The following SMCHD1 variants were observed in gnomAD, a reference collection of about 807,000 sequenced individuals.
SMCHD1 encodes structural maintenance of chromosomes flexible hinge domain containing 1.
Under a neutral mutation model 254.7 loss-of-function variants are expected in SMCHD1, and 78 were observed. The observed-to-expected ratio is 0.31, with a 90% CI of 0.26 to 0.37. The LOEUF (loss-of-function observed/expected upper bound fraction) is 0.37, where lower values mean the gene tolerates loss of function less well. Ranked by LOEUF, SMCHD1 falls within the 10% of genes least tolerant of loss-of-function variation. The pLI is 1.00. For missense variants in SMCHD1, 1,840 were observed against 2,408.1 expected (o/e 0.76, Z 4.94); for synonymous variants, 766 against 794.9 (o/e 0.96, Z 0.61).
chr18:2,761,942 A>G (rs1463382716), intron 35 of SMCHD1, among the ~76,000 whole-genome samples, 163 bp from the exon 36 acceptor site: 1 of 152,230 alleles, frequency 6.6e-6, no homozygotes, highest in African/African-American at 2.4e-5. Flanking sequence ...TTTTATGCTG[A>G]ATTTTAAAAG....
At position 2,750,123 on chromosome 18, in the gene SMCHD1, G is replaced by A. The variant is rs2143616842; in HGVS notation, c.4007+1G>A. The A allele has an allele frequency of 6.3e-7, 1 of 1,575,912 alleles. No homozygotes were observed. Among genetic ancestry groups the A allele is most frequent in the Non-Finnish European group, 8.6e-7 (1 of 1,159,082 alleles). On this transcript the variant is annotated splice_donor_variant, in intron 31 of 47. Coordinates refer to ENST00000320876, the MANE Select transcript of SMCHD1 (RefSeq NM_015295.3). LOFTEE classifies it high-confidence loss of function. ...GAGTATTCAGTGTTTTTGCCCCTAGGTAAGAACCAAAAGTTTGATAGTTGT... is the reference window on the plus strand; with the variant it reads ...GAGTATTCAGTGTTTTTGCCCCTAGATAAGAACCAAAAGTTTGATAGTTGT...
At chr18:2,656,946 C>T (rs765086029) in intron 1 of SMCHD1, among the ~76,000 whole-genome samples, 2 of 152,196 alleles carry the variant, frequency 1.3e-5, no homozygotes, top group Non-Finnish European at 2.9e-5. Flanking sequence ...GAAAACGTAC[C>T]TACCCCGTGT....
At chr18:2,729,482 T>C (rs1016263919) in intron 24 of SMCHD1, 73 bp downstream of exon 24, 4 of 1,162,400 alleles carry the variant, frequency 3.4e-6, no homozygotes, top group African/African-American at 3.2e-5. Flanking sequence ...CTTAATAACA[T>C]TTTTTGCAAA....
intron 5 of SMCHD1, among the ~76,000 whole-genome samples, chr18:2,675,290 A>C (rs2073717348): frequency 7.2e-6 from 1 of 137,996 alleles, no homozygotes; most frequent in African/African-American, 2.9e-5. Flanking sequence ...TTGGAGACAG[A>C]GTCTCGCTCT....
At chr18:2,753,954 T>C (rs1470974911) in intron 34 of SMCHD1, among the ~76,000 whole-genome samples, 10 of 152,184 alleles carry the variant, frequency 6.6e-5, no homozygotes. Flanking sequence ...ATTTCCCTGT[T>C]TATCATATAT....
rs559283578 is a variant in SMCHD1 at position 2,656,115 on chromosome 18, G to A, written c.40G>A (p.Val14Met). Residue 14 changes from valine (V) to methionine (M), a missense_variant, in exon 1 of 48, where the codon GTG (valine) becomes ATG (methionine). Around this residue, in one of 9 missense-constraint regions of SMCHD1, gnomAD observed 115 missense variants for 99.1 expected, o/e 1.16. Coordinates refer to ENST00000320876, the MANE Select transcript of SMCHD1 (RefSeq NM_015295.3). ...CGGCGGCGGGCCTGGTGGGGCCTCT[G>A]TGGGGACTGAGGAGGATGGCGGAGG... ...ADGGGPGGASVGTEEDGGGVG... is the reference protein window; with the variant it reads ...ADGGGPGGASMGTEEDGGGVG... The A allele has an allele frequency of 8.6e-5, 126 of 1,461,246 alleles. No individual in the cohort carries two copies. Among genetic ancestry groups the A allele is most frequent in the Non-Finnish European group, 1.1e-4 (121 of 1,106,988 alleles). 90.5% of individuals were successfully genotyped at this position (1,461,246 alleles called of 1,614,324 possible). A position where few individuals can be genotyped will look rare whatever the true frequency, so the allele number is the denominator to read the frequency against.
rs540340191 is a variant in SMCHD1, at chr18:2,765,098, A to G, written c.4719+1309A>G. ...ATTTTTTGGTTTTAATCTTTCTAAG[A>G]TTGTTTACCGACCATTTCTTTTAGA... is the stretch of plus-strand genomic sequence containing the variant. On this transcript the variant is annotated intron_variant, in intron 37 of 47. Coordinates refer to ENST00000320876, the MANE Select transcript of SMCHD1 (RefSeq NM_015295.3). Among the ~76,000 whole-genome samples the G allele has an allele frequency of 6.6e-5, 10 of 152,248 alleles. No homozygotes were observed. The East Asian group carries it at 1.5e-3, about 23-fold the overall frequency.
chr18:2,682,642 TGA>T (rs1455345814), intron 5 of SMCHD1, among the ~76,000 whole-genome samples: 17 of 152,218 alleles, frequency 1.1e-4, no homozygotes. Context: ...TTTTCTTACT[TGA>T]GACACCTCTT....
In SMCHD1 at chr18:2,729,172, C is replaced by A. The variant is rs9952719; in HGVS notation, c.2914-103C>A. 7,167 of 936,180 alleles carry A rather than the reference C, an allele frequency of 7.7e-3. 352 individuals carry two copies. In the African/African-American group the frequency reaches 0.11, roughly 14 times the overall value. 58.0% of individuals were successfully genotyped at this position (936,180 alleles called of 1,614,324 possible). The stretch of plus-strand genomic sequence containing the variant: ...TTACTTAGAATTTTCTTATTCATTG[C>A]CAGAAATAGTAGCTCTACTGAATTA... On this transcript the variant is annotated intron_variant, in intron 23 of 47. Transcript: ENST00000320876.
rs1268574506 is a variant in SMCHD1, at chr18:2,727,568, G to A, written c.2774-889G>A. ...TGGGGTAAATAGGAAGTATCATGGTGTAGTGATAAAAGTCAAGGAGTTTCA... is the reference window on the plus strand; with the variant it reads ...TGGGGTAAATAGGAAGTATCATGGTATAGTGATAAAAGTCAAGGAGTTTCA... On this transcript the variant is annotated intron_variant, in intron 22 of 47. Coordinates refer to ENST00000320876, the MANE Select transcript of SMCHD1 (RefSeq NM_015295.3). 2.6e-5 allele frequency among the ~76,000 whole-genome samples: 4 copies of A among 152,160 alleles called. No homozygotes were observed. The East Asian group carries it at 7.7e-4, about 29-fold the overall frequency.
chr18:2,769,680 G>A lies in SMCHD1; in HGVS notation c.4720-14G>A, dbSNP rs762084455. Reference sequence around the variant, plus strand: ...TAAATCTTGTTTTCCCCTATTGTTTGTTTATATGTACAGAGTCTGGTGCTG... The same window carrying A: ...TAAATCTTGTTTTCCCCTATTGTTTATTTATATGTACAGAGTCTGGTGCTG... On this transcript the variant is annotated splice_polypyrimidine_tract_variant and intron_variant, in intron 37 of 47. Coordinates refer to ENST00000320876, the MANE Select transcript of SMCHD1 (RefSeq NM_015295.3). 6.3e-7 allele frequency: 1 copy of A among 1,585,676 alleles called. No homozygotes were observed. The highest frequency in any genetic ancestry group is 1.1e-5 in the South Asian group (1 of 87,476).
At chr18:2,687,229 TA>T (rs1201730639) in intron 5 of SMCHD1, among the ~76,000 whole-genome samples, 1 of 152,200 alleles carries the variant, frequency 6.6e-6, no homozygotes, top group Admixed American at 6.5e-5. Context: ...ATGTAGTCCT[TA>T]AAAAAATTAC....
At chr18:2,800,812 A>G (rs1293141818) in intron 47 of SMCHD1, 1 of 152,194 alleles carries the variant, frequency 6.6e-6, no homozygotes, top group Non-Finnish European at 1.5e-5. Context: ...CTTAAATGTA[A>G]TTGTACAACT....
In SMCHD1 at chr18:2,759,571, C is replaced by CTTTTTTTTTTTTT. The variant is rs61159403; in HGVS notation, c.4347-1077_4347-1065dup. 1.2e-3 allele frequency among the ~76,000 whole-genome samples: 81 copies of CTTTTTTTTTTTTT among 69,476 alleles called. 4 individuals are homozygous for CTTTTTTTTTTTTT. Among genetic ancestry groups the CTTTTTTTTTTTTT allele is most frequent in the African/African-American group, 1.6e-3 (29 of 17,716 alleles). The allele number at this position is 69,476 out of a possible 152,430, so 45.6% of individuals were successfully genotyped here. A position where few individuals can be genotyped will look rare whatever the true frequency, so the allele number is the denominator to read the frequency against. The stretch of plus-strand genomic sequence containing the variant: ...AAGCAGAAGTCCGTTTTAATTCTCT[C>CTTTTTTTTTTTTT]TTTTTTTTTTTTTTTTGAGATAGAG... On this transcript the variant is annotated intron_variant, in intron 34 of 47. Transcript: ENST00000320876.
chr18:2,738,256 A>C, intron 25 of SMCHD1, 141 bp from the exon 26 acceptor site: 1 of 670,428 alleles, frequency 1.5e-6, no homozygotes, highest in Non-Finnish European at 2.3e-6. Flanking sequence ...TATATGAACC[A>C]CACCGTTTCT....
At chr18:2,728,347 C>T in intron 22 of SMCHD1, 110 bp from the exon 23 acceptor site, 7 of 1,107,038 alleles carry the variant, frequency 6.3e-6, no homozygotes, top group Non-Finnish European at 8.9e-6. Flanking sequence ...TCTTTCTTGG[C>T]AATATTTATA....
At chr18:2,752,824 ACTT>A (rs768068599) in intron 34 of SMCHD1, 7 of 300,624 alleles carry the variant, frequency 2.3e-5, no homozygotes, top group Middle Eastern at 1.0e-3. Context: ...GCACTTTATA[ACTT>A]CTTATTATAT....
intron 5 of SMCHD1, among the ~76,000 whole-genome samples, chr18:2,687,383 G>A (rs1429150441): frequency 6.6e-6 from 1 of 152,016 alleles, no homozygotes; most frequent in African/African-American, 2.4e-5. Flanking sequence ...ACAATTTTAG[G>A]TTAACAGATT....
At chr18:2,727,681 C>T (rs1213422633) in intron 22 of SMCHD1, among the ~76,000 whole-genome samples, 4 of 151,888 alleles carry the variant, frequency 2.6e-5, no homozygotes, top group African/African-American at 7.2e-5. Flanking sequence ...ATCCCAGTTT[C>T]CTTACCTGTA....
Sources: gnomAD v4.1 joint callset for allele counts (sites outside exome capture counted in the v4.1 genomes callset) on GRCh38, gnomAD v4.1.1 for gene constraint, gnomAD v4.1.1 regional missense constraint, MANE v1.5 for transcripts, NCBI Gene and HGNC (gene_info 2026-07-23, HGNC 2026-07-21) for gene names.